DENND1A: variants seen among roughly 807,000 people sequenced by gnomAD.
DENND1A encodes the protein DENN domain-containing protein 1A.
A neutral mutation model predicts 113.7 loss-of-function variants in DENND1A; 51 were observed. That is an observed-to-expected ratio of 0.45 (90% confidence interval 0.36 to 0.57). The LOEUF (loss-of-function observed/expected upper bound fraction) is 0.57. Among genes scored for constraint, DENND1A ranks in the 20% least tolerant of loss-of-function variants. The pLI, the probability that DENND1A is intolerant of heterozygous loss-of-function variation, is 0.00. For missense variants in DENND1A, 1,258 were observed against 1,395.9 expected, an observed-to-expected ratio of 0.90 and a Z score of 1.57; for synonymous variants, 565 against 570.8, an observed-to-expected ratio of 0.99 and a Z score of 0.14.
At chr9:123,406,358 C>T (rs2043853107) in intron 20 of DENND1A, among the ~76,000 whole-genome samples, 1 of 152,234 alleles carries the variant, frequency 6.6e-6, no homozygotes, top group South Asian at 2.1e-4. Flanking sequence ...CCCAAGGGGT[C>T]TGGTACACAA....
chr9:123,576,852 T>C (rs1428902159), intron 12 of DENND1A, among the ~76,000 whole-genome samples: 1 of 152,232 alleles, frequency 6.6e-6, no homozygotes, highest in African/African-American at 2.4e-5. Context: ...CCTTAAATGG[T>C]CTCTGGCAAT....
chr9:123,668,782 C>T (rs897851167), intron 7 of DENND1A, among the ~76,000 whole-genome samples: 20 of 152,172 alleles, frequency 1.3e-4, no homozygotes, highest in Non-Finnish European at 2.5e-4. Context: ...AAAATACTAC[C>T]TATGAAGTAT....
intron 19 of DENND1A, among the ~76,000 whole-genome samples, chr9:123,430,059 T>C (rs1171929549): frequency 1.3e-5 from 2 of 152,170 alleles, no homozygotes; most frequent in Non-Finnish European, 1.5e-5. Context: ...AAAGAAGACA[T>C]TCACGTGGCC....
chr9:123,381,799 G>C lies in DENND1A; in HGVS notation c.2846C>G (p.Ser949Cys). Reference protein sequence around the residue: ...CAPHRSQPNLSALSMPNLFGQ... With the variant: ...CAPHRSQPNLCALSMPNLFGQ... ...AAAGAGGTTGGGCATGGAGAGGGCG[G>C]AGAGGTTGGGCTGAGACCTGTGAGG... is the stretch of plus-strand genomic sequence containing the variant. Residue 949 changes from serine (S) to cysteine (C), a missense_variant, in exon 24 of 24, where the codon TCC becomes TGC. This residue lies in a region of DENND1A where 1,159 missense variants were observed against 1,231.7 expected (regional missense o/e 0.94). Transcript: ENST00000394215. The surrounding 1 kb of genome is among the most constrained non-coding windows in gnomAD (Gnocchi z 4.7). The C allele has an allele frequency of 6.6e-7, 1 of 1,517,636 alleles. No homozygotes were observed. The highest frequency in any genetic ancestry group is 1.7e-4 in the Middle Eastern group (1 of 5,790). 94.0% of individuals were successfully genotyped at this position (1,517,636 alleles called of 1,614,324 possible). A position where few individuals can be genotyped will look rare whatever the true frequency, so the allele number is the denominator to read the frequency against.
intron 3 of DENND1A, among the ~76,000 whole-genome samples, chr9:123,786,239 A>G (rs899292735): frequency 6.6e-6 from 1 of 151,990 alleles, no homozygotes; most frequent in Non-Finnish European, 1.5e-5. Context: ...AAAGAAATGC[A>G]CATATCTAAA....
At chr9:123,560,338 G>T (rs2057672580) in intron 12 of DENND1A, among the ~76,000 whole-genome samples, 1 of 152,186 alleles carries the variant, frequency 6.6e-6, no homozygotes, top group African/African-American at 2.4e-5. Context: ...ACAATCCTTT[G>T]CTGTTGATAA....
intron 13 of DENND1A, among the ~76,000 whole-genome samples, chr9:123,528,586 A>C (rs2055036299): frequency 1.3e-5 from 2 of 151,948 alleles, no homozygotes; most frequent in Admixed American, 6.6e-5. Flanking sequence ...CACTGATCAG[A>C]GTTTTGAGCT....
intron 19 of DENND1A, among the ~76,000 whole-genome samples, chr9:123,415,267 G>A (rs1166546608): frequency 6.6e-6 from 1 of 152,186 alleles, no homozygotes; most frequent in African/African-American, 2.4e-5. Flanking sequence ...GTCGGCACGA[G>A]GGGATCCTGT....
rs577391155 is a variant in DENND1A, at chr9:123,764,151, C to G, written c.182+5363G>C. Among the ~76,000 whole-genome samples, 6 of 152,300 alleles carry G rather than the reference C, an allele frequency of 3.9e-5. No individual in the cohort carries two copies. The highest frequency in any genetic ancestry group is 5.9e-5 in the Non-Finnish European group (4 of 68,022). ...TACTTCTCTGATCTCATCTGTAAAT[C>G]ATCAGAATAATCACATCACTTTGCA... On this transcript the variant is annotated intron_variant, in intron 4 of 23. Coordinates refer to ENST00000394215, the MANE Select transcript of DENND1A (RefSeq NM_001352964.2). This position sits in a 1 kb window ranked among gnomAD's most constrained non-coding sequence, Gnocchi z 4.1.
At chr9:123,567,112 T>C (rs190064719) in intron 12 of DENND1A, among the ~76,000 whole-genome samples, 2 of 152,278 alleles carry the variant, frequency 1.3e-5, no homozygotes, top group Admixed American at 1.3e-4. Flanking sequence ...CACACACATA[T>C]ATTTATCCGG....
At chr9:123,873,093 G>A (rs1374701012) in intron 2 of DENND1A, among the ~76,000 whole-genome samples, 1 of 152,056 alleles carries the variant, frequency 6.6e-6, no homozygotes. Context: ...CATCTAAAAT[G>A]GCAAAAATAA....
rs117913918 is a variant in DENND1A, at chr9:123,712,641, G to C, written c.303-35852C>G. Among the ~76,000 whole-genome samples, 465 of 152,318 alleles carry C rather than the reference G, an allele frequency of 3.1e-3. 10 individuals are homozygous for C. In the East Asian group the frequency reaches 0.062, roughly 20 times the overall value. ...GCACCAGATGTACATATGGAAATCTGTAGCCACTGGTTCCTCCTCCCTGCT... is the reference window on the plus strand; with the variant it reads ...GCACCAGATGTACATATGGAAATCTCTAGCCACTGGTTCCTCCTCCCTGCT... On this transcript the variant is annotated intron_variant, in intron 5 of 23. Coordinates refer to ENST00000394215, the MANE Select transcript of DENND1A (RefSeq NM_001352964.2).
chr9:123,876,013 A>G (rs968781277), intron 2 of DENND1A, among the ~76,000 whole-genome samples: 1 of 152,266 alleles, frequency 6.6e-6, no homozygotes, highest in South Asian at 2.1e-4. Context: ...TTGTTAAACT[A>G]TACATATGTT....
intron 5 of DENND1A, among the ~76,000 whole-genome samples, chr9:123,697,628 A>T (rs1206877077): frequency 6.6e-6 from 1 of 152,164 alleles, no homozygotes; most frequent in African/African-American, 2.4e-5. Context: ...ATCAGTGAGA[A>T]CATACGGTGT....
At chr9:123,506,743 T>A (rs1235298533) in intron 13 of DENND1A, among the ~76,000 whole-genome samples, 2 of 152,180 alleles carry the variant, frequency 1.3e-5, no homozygotes, top group East Asian at 3.8e-4. Flanking sequence ...CAGGGTCACA[T>A]AGCCAGAAAG....
intron 9 of DENND1A, among the ~76,000 whole-genome samples, chr9:123,648,976 C>T (rs1248492464): frequency 6.6e-6 from 1 of 152,300 alleles, no homozygotes; most frequent in African/African-American, 2.4e-5. Flanking sequence ...GTATCCTCAT[C>T]CCATTACTAG....
At chr9:123,561,136 C>G (rs1337898052) in intron 12 of DENND1A, among the ~76,000 whole-genome samples, 1 of 152,224 alleles carries the variant, frequency 6.6e-6, no homozygotes, top group Admixed American at 6.5e-5. Flanking sequence ...CCTCAAGGGC[C>G]TTGGGCCACC....
intron 13 of DENND1A, among the ~76,000 whole-genome samples, chr9:123,481,570 T>A (rs2050339936): frequency 6.6e-6 from 1 of 152,096 alleles, no homozygotes; most frequent in Non-Finnish European, 1.5e-5. Flanking sequence ...TAAGGAGTGG[T>A]GGGGTCAGGT....
chr9:123,449,459 C>T (rs556805924), intron 18 of DENND1A, among the ~76,000 whole-genome samples: 21 of 149,606 alleles, frequency 1.4e-4, no homozygotes, highest in East Asian at 9.9e-4. Context: ...CACTTGAACC[C>T]GGGAGGTGGA....
Sources: allele counts gnomAD v4.1 joint callset (sites outside exome capture counted in the v4.1 genomes callset), GRCh38; gene constraint gnomAD v4.1.1; regional missense constraint gnomAD v4.1.1; non-coding constraint Gnocchi (gnomAD v3.1); transcripts MANE v1.5; gene names NCBI Gene and HGNC (gene_info 2026-07-23, HGNC 2026-07-21).